CPS1: variants seen among roughly 807,000 people sequenced by gnomAD.
CPS1 encodes the protein carbamoyl-phosphate synthase [ammonia], mitochondrial.
In CPS1, 109 loss-of-function variants were observed where a neutral mutation model predicts 174.6. The ratio of observed to expected loss-of-function variants is 0.62; its 90% CI spans 0.53 to 0.73. The LOEUF (loss-of-function observed/expected upper bound fraction) is 0.73. CPS1 is among the 30% of genes least tolerant of loss of function. The probability of loss-of-function intolerance (pLI) is 0.00; values close to 1 mark genes in which losing one functional copy is unlikely to be tolerated. For missense variants in CPS1, 1,689 were observed against 1,821.9 expected (o/e 0.93, Z 1.33); for synonymous variants, 637 against 632.0 (o/e 1.01, Z -0.12).
At chr2:210,609,739 T>C (rs1207704014) in intron 19 of CPS1, among the ~76,000 whole-genome samples, 10 of 151,962 alleles carry the variant, frequency 6.6e-5, no homozygotes, top group Non-Finnish European at 1.2e-4. Context: ...GTTTATGACA[T>C]ATTTTTCCAT....
intron 21 of CPS1, among the ~76,000 whole-genome samples, chr2:210,631,931 T>C (rs937202369): frequency 4.6e-5 from 7 of 152,234 alleles, no homozygotes; most frequent in Admixed American, 4.6e-4. Context: ...AATTGTGTGC[T>C]TTTGTGCAAT....
chr2:210,570,131 G>T (rs1697427928), intron 1 of CPS1, among the ~76,000 whole-genome samples: 2 of 151,878 alleles, frequency 1.3e-5, no homozygotes, highest in African/African-American at 4.8e-5. Flanking sequence ...TGCATCAGGG[G>T]CCAGTGTAGT....
At chr2:210,613,068 G>A (rs1030014445) in intron 20 of CPS1, among the ~76,000 whole-genome samples, 12 of 151,924 alleles carry the variant, frequency 7.9e-5, no homozygotes, top group East Asian at 2.0e-4. Context: ...GTATCAAACC[G>A]CACTGGTTCT....
upstream of CPS1, among the ~76,000 whole-genome samples, chr2:210,554,862 C>CACACAT (rs1186741984): frequency 6.6e-6 from 1 of 151,512 alleles, no homozygotes; most frequent in African/African-American, 2.4e-5. Context: ...CACACACACA[C>CACACAT]ACACATAAAA....
chr2:210,579,532 C>T (rs1172851254), intron 4 of CPS1, among the ~76,000 whole-genome samples, 182 bp from the exon 5 acceptor site: 1 of 152,048 alleles, frequency 6.6e-6, no homozygotes, highest in East Asian at 1.9e-4. Flanking sequence ...GAGTCCTATG[C>T]CTAACTGTAG....
intron 21 of CPS1, among the ~76,000 whole-genome samples, chr2:210,630,213 A>G (rs958046802): frequency 1.3e-5 from 2 of 152,180 alleles, no homozygotes; most frequent in Non-Finnish European, 2.9e-5. Flanking sequence ...GAGCATAATT[A>G]TGACATTATA....
chr2:210,507,848 C>G (rs1574477038), intron 1 of CPS1, among the ~76,000 whole-genome samples: 1 of 152,044 alleles, frequency 6.6e-6, no homozygotes, highest in African/African-American at 2.4e-5. Context: ...TATATATGCA[C>G]CCAATACAGG....
At chr2:210,558,102 C>T (rs1334234781) in intron 1 of CPS1, among the ~76,000 whole-genome samples, 2 of 151,708 alleles carry the variant, frequency 1.3e-5, no homozygotes, top group African/African-American at 4.8e-5. Context: ...ATATAGTAGC[C>T]TTAGTGGTGT....
Position 210,608,385 on chromosome 2 carries a change from A to G in CPS1, c.2217A>G (p.Ala739=), listed in dbSNP as rs1698996365. 1.9e-6 allele frequency: 3 copies of G among 1,612,276 alleles called. No individual in the cohort carries two copies. The highest frequency in any genetic ancestry group is 1.3e-5 in the African/African-American group (1 of 74,912). The change falls in exon 19 of 38, where the codon GCA becomes GCG. Residue 739 remains alanine (A), a synonymous_variant. Transcript: ENST00000233072. The part of the protein sequence containing the change: ...ATGYPLAFIA[A]KIALGIPLPE... ...GCTACCCATTGGCATTCATTGCTGCAAAGATTGCCCTAGGAATCCCACTTC... is the reference window on the plus strand; with the variant it reads ...GCTACCCATTGGCATTCATTGCTGCGAAGATTGCCCTAGGAATCCCACTTC...
intron 1 of CPS1, among the ~76,000 whole-genome samples, chr2:210,515,982 G>A (rs931889763): frequency 1.3e-5 from 2 of 151,770 alleles, no homozygotes; most frequent in Non-Finnish European, 2.9e-5. Context: ...AGGAGGAGCA[G>A]GGTGTTATTA....
intron 1 of CPS1, among the ~76,000 whole-genome samples, chr2:210,503,988 T>C (rs1392792424): frequency 6.6e-6 from 1 of 152,182 alleles, no homozygotes; most frequent in Non-Finnish European, 1.5e-5. Flanking sequence ...GCTGCCTCTT[T>C]CCCCTGGGCT....
intron 1 of CPS1, among the ~76,000 whole-genome samples, chr2:210,528,069 G>C (rs995526172): frequency 1.2e-4 from 19 of 152,022 alleles, no homozygotes; most frequent in Admixed American, 1.1e-3. Flanking sequence ...AATAGAAGCT[G>C]TCTCTTTAAA....
At position 210,674,484 on chromosome 2, in the gene CPS1, C is replaced by CA. The variant is rs771522432; in HGVS notation, c.4102-404dup. On this transcript the variant is annotated intron_variant, in intron 34 of 37. Transcript: ENST00000233072. ...AAAACCCCATCTCAAAAAAAAAAAC[C>CA]AAAAAAAAAAAAAAGAAATAAGAGC... 0.016 allele frequency: 1,218 copies of CA among 74,908 alleles called. 4 individuals are homozygous for CA. Among genetic ancestry groups the CA allele is most frequent in the Non-Finnish European group, 0.022 (801 of 36,128 alleles). The allele number at this position is 74,908 out of a possible 1,614,324, so 4.6% of individuals were successfully genotyped here. A position where few individuals can be genotyped will look rare whatever the true frequency, so the allele number is the denominator to read the frequency against.
intron 28 of CPS1, among the ~76,000 whole-genome samples, chr2:210,653,446 C>G (rs1700617358): frequency 6.6e-6 from 1 of 152,080 alleles, no homozygotes; most frequent in South Asian, 2.1e-4. Flanking sequence ...AATAAAAATA[C>G]TTGATTTTAC....
intron 1 of CPS1, among the ~76,000 whole-genome samples, chr2:210,504,384 G>A (rs1695224568): frequency 6.6e-6 from 1 of 152,204 alleles, no homozygotes; most frequent in African/African-American, 2.4e-5. Context: ...CTAACGTTGA[G>A]TGCAAACTAT....
At chr2:210,551,441 G>T (rs1181367849) in intron 1 of CPS1, among the ~76,000 whole-genome samples, 1 of 151,926 alleles carries the variant, frequency 6.6e-6, no homozygotes, top group East Asian at 1.9e-4. Context: ...ATGTCTACTT[G>T]GTCTGGGAGT....
At position 210,637,560 on chromosome 2, in the gene CPS1, G is replaced by A. The variant is rs140676345; in HGVS notation, c.2688-142G>A. On this transcript the variant is annotated intron_variant, in intron 21 of 37. Coordinates refer to ENST00000233072, the MANE Select transcript of CPS1 (RefSeq NM_001875.5). Reference sequence around the variant, plus strand: ...AGAAGATTGAGTGGGTTAGTTATTTGTGTATTTTTAAAAGATAACAAGACT... The same window carrying A: ...AGAAGATTGAGTGGGTTAGTTATTTATGTATTTTTAAAAGATAACAAGACT... 0.015 allele frequency: 12,678 copies of A among 857,536 alleles called. 146 individuals are homozygous for A. Among genetic ancestry groups the A allele is most frequent in the Middle Eastern group, 0.019 (52 of 2,788 alleles). The allele number at this position is 857,536 out of a possible 1,614,324, so 53.1% of individuals were successfully genotyped here.
intron 1 of CPS1, among the ~76,000 whole-genome samples, chr2:210,484,758 A>AT (rs1694670297): frequency 6.6e-6 from 1 of 152,146 alleles, no homozygotes; most frequent in Admixed American, 6.5e-5. Context: ...CTTTCCTGCT[A>AT]TAAACCCCCC....
In CPS1 at chr2:210,582,726, T is replaced by G. The variant is rs1316572204; in HGVS notation, c.621+17T>G. The G allele has an allele frequency of 6.3e-7, 1 of 1,579,788 alleles. No individual in the cohort carries two copies. The highest frequency in any genetic ancestry group is 8.7e-7 in the Non-Finnish European group (1 of 1,149,120). ...TCAACCAAGGTGAGGGGTTTTCCTTTATATTTTGTAGTTTTATTTGATCCC... is the reference window on the plus strand; with the variant it reads ...TCAACCAAGGTGAGGGGTTTTCCTTGATATTTTGTAGTTTTATTTGATCCC... On this transcript the variant is annotated intron_variant, in intron 6 of 37. Transcript: ENST00000233072.
Sources: gnomAD v4.1 joint callset for allele counts (sites outside exome capture counted in the v4.1 genomes callset) on GRCh38, gnomAD v4.1.1 for gene constraint, MANE v1.5 for transcripts, NCBI Gene and HGNC (gene_info 2026-07-23, HGNC 2026-07-21) for gene names.